The following ESR2 variants were observed in gnomAD, a reference collection of about 807,000 sequenced individuals.
The protein encoded by ESR2 is estrogen receptor beta.
ESR2 carries 36 observed loss-of-function variants against 49.6 expected under a neutral mutation model. The observed-to-expected ratio is 0.73, with a 90% CI of 0.56 to 0.96. The LOEUF (loss-of-function observed/expected upper bound fraction) is 0.96. Ranked by LOEUF, ESR2 falls within the 40% of genes least tolerant of loss-of-function variation. ESR2 has a pLI of 0.00. For synonymous variants in ESR2, 320 were observed against 266.1 expected, an observed-to-expected ratio of 1.20 and a Z score of -1.97; for missense variants, 714 against 693.0, an observed-to-expected ratio of 1.03 and a Z score of -0.34.
intron 1 of ESR2, among the ~76,000 whole-genome samples, chr14:64,318,264 C>T (rs1162047648): frequency 2.0e-5 from 3 of 151,970 alleles, no homozygotes; most frequent in Admixed American, 6.5e-5. Flanking sequence ...CGGCCGGGTG[C>T]GGTGGTTCAT....
At chr14:64,264,449 A>C (rs2076282654) in intron 4 of ESR2, among the ~76,000 whole-genome samples, 1 of 149,562 alleles carries the variant, frequency 6.7e-6, no homozygotes, top group Non-Finnish European at 1.5e-5. Context: ...AAAATGGAGC[A>C]AAATGTATGT....
intron 3 of ESR2, among the ~76,000 whole-genome samples, chr14:64,277,516 T>C (rs550801822): frequency 4.9e-4 from 74 of 151,110 alleles, no homozygotes; most frequent in African/African-American, 1.7e-3. Flanking sequence ...TCCCAGCTAC[T>C]TGGGAGTCTG....
intron 8 of ESR2, chr14:64,234,624 C>G (rs763325914): frequency 5.4e-6 from 2 of 368,978 alleles, no homozygotes; most frequent in Non-Finnish European, 9.7e-6. Flanking sequence ...CAAAAAGTGG[C>G]CTCAGGGCCT....
In ESR2 at chr14:64,235,112, T is replaced by C. The variant is rs773962693; in HGVS notation, c.1264A>G (p.Ser422Gly). The C allele has an allele frequency of 9.3e-6, 15 of 1,614,114 alleles. No homozygotes were observed. In the South Asian group the frequency reaches 1.4e-4, roughly 15 times the overall value. The change falls in exon 8 of 9, where the codon AGC (serine) becomes GGC (glycine). Residue 422 changes from serine to glycine, a missense_variant. Physicochemically the swap from Ser to Gly is moderately conservative, Grantham distance 56 (BLOSUM62 0). Coordinates refer to ENST00000341099, the MANE Select transcript of ESR2 (RefSeq NM_001437.3). Reference protein sequence around the residue: ...PLVTATQDADSSRKLAHLLNA... With the variant: ...PLVTATQDADGSRKLAHLLNA... ...AGCAAGTGAGCCAGCTTCCGGCTGCTGTCAGCATCCTGGGTCGCTGTGACC... is the reference window on the plus strand; with the variant it reads ...AGCAAGTGAGCCAGCTTCCGGCTGCCGTCAGCATCCTGGGTCGCTGTGACC...
intron 3 of ESR2, among the ~76,000 whole-genome samples, chr14:64,279,250 T>C (rs956808353): frequency 1.3e-5 from 2 of 152,190 alleles, no homozygotes; most frequent in African/African-American, 4.8e-5. Flanking sequence ...TAAGACCAAG[T>C]TGTGGCCTGA....
In ESR2 at chr14:64,229,251, C is replaced by G. The variant is rs1021421128; in HGVS notation, c.*3886G>C. 6.6e-6 allele frequency among the ~76,000 whole-genome samples: 1 copy of G among 152,134 alleles called. No individual in the cohort carries two copies. Among genetic ancestry groups the G allele is most frequent in the East Asian group, 1.9e-4 (1 of 5,194 alleles). On this transcript the variant is annotated 3_prime_UTR_variant, in exon 9 of 9. Coordinates refer to ENST00000341099, the MANE Select transcript of ESR2 (RefSeq NM_001437.3). ...GAAGACAACCCTAACTTCACCGCCC[C>G]TCCATTCTGCTGCGACTCAGCTCAC... is the stretch of plus-strand genomic sequence containing the variant.
At chr14:64,255,795 T>C (rs2076085374) in intron 6 of ESR2, among the ~76,000 whole-genome samples, 1 of 152,268 alleles carries the variant, frequency 6.6e-6, no homozygotes, top group African/African-American at 2.4e-5. Context: ...TCTTGTGCCC[T>C]GAACTTCTCT....
At chr14:64,314,264 AT>A (rs1567797788) in intron 1 of ESR2, among the ~76,000 whole-genome samples, 1 of 152,136 alleles carries the variant, frequency 6.6e-6, no homozygotes. Flanking sequence ...GTACTCCTAA[AT>A]AAAACATAGG....
rs139479509 is a variant in ESR2 at position 64,268,865 on chromosome 14, A to G, written c.582T>C (p.Asp194=). The change falls in exon 4 of 9, where the codon GAT becomes GAC. Residue 194 remains aspartate (D), a synonymous_variant. Coordinates refer to ENST00000341099, the MANE Select transcript of ESR2 (RefSeq NM_001437.3). ...ICPATNQCTI[D]KNRRKSCQAC... Reference sequence around the variant, plus strand: ...CCTGGCAGCTCTTGCGCCGGTTTTTATCGATTGTACACTGATTTGTAGCTG... The same window carrying G: ...CCTGGCAGCTCTTGCGCCGGTTTTTGTCGATTGTACACTGATTTGTAGCTG... The G allele has an allele frequency of 3.1e-6, 5 of 1,613,716 alleles. No individual in the cohort carries two copies. In the African/African-American group the frequency reaches 4.0e-5, roughly 13 times the overall value.
chr14:64,287,859 T>C (rs1159980635), intron 1 of ESR2, among the ~76,000 whole-genome samples: 3 of 152,170 alleles, frequency 2.0e-5, no homozygotes, highest in African/African-American at 4.8e-5. Context: ...AACACATCGA[T>C]TGAATGTTCA....
rs1337345661 is a variant in ESR2, at chr14:64,230,436, C to T, written c.*2701G>A. On this transcript the variant is annotated 3_prime_UTR_variant, in exon 9 of 9. Coordinates refer to ENST00000341099, the MANE Select transcript of ESR2 (RefSeq NM_001437.3). ...AAGTATTGGTAACTGATTTTTCTTCCTTACTGAAATCTAAGATAGTTGCCC... is the reference window on the plus strand; with the variant it reads ...AAGTATTGGTAACTGATTTTTCTTCTTTACTGAAATCTAAGATAGTTGCCC... Among the ~76,000 whole-genome samples, 1 of 151,938 alleles carries T rather than the reference C, an allele frequency of 6.6e-6. No individual in the cohort carries two copies. Among genetic ancestry groups the T allele is most frequent in the Non-Finnish European group, 1.5e-5 (1 of 67,980 alleles).
At chr14:64,323,773 C>T (rs2077354973) in intron 1 of ESR2, among the ~76,000 whole-genome samples, 1 of 152,202 alleles carries the variant, frequency 6.6e-6, no homozygotes, top group Admixed American at 6.6e-5. Context: ...CTCACTGCAA[C>T]CTCCACTTCC....
intron 2 of ESR2, among the ~76,000 whole-genome samples, 187 bp downstream of exon 2, chr14:64,282,437 T>C (rs769369170): frequency 5.3e-5 from 8 of 152,216 alleles, no homozygotes; most frequent in Non-Finnish European, 1.2e-4. Flanking sequence ...GATGTACACA[T>C]ACCAGTTTTT....
intron 3 of ESR2, among the ~76,000 whole-genome samples, chr14:64,276,371 T>C (rs946156025): frequency 6.6e-6 from 1 of 152,142 alleles, no homozygotes; most frequent in Non-Finnish European, 1.5e-5. Context: ...TGAGAAAACA[T>C]TTACCTCACT....
downstream of ESR2, chr14:64,227,536 C>G (rs1245657302): frequency 1.2e-6 from 2 of 1,614,074 alleles, no homozygotes. Flanking sequence ...TAGAGGGTCA[C>G]TGCTCCATCG....
chr14:64,235,871 C>G (rs780354436), intron 7 of ESR2, among the ~76,000 whole-genome samples: 4 of 152,184 alleles, frequency 2.6e-5, no homozygotes, highest in Admixed American at 1.3e-4. Flanking sequence ...CCCTCCAACT[C>G]TAGGATTGAG....
intron 1 of ESR2, among the ~76,000 whole-genome samples, chr14:64,325,456 G>A (rs2077377147): frequency 6.6e-6 from 1 of 152,138 alleles, no homozygotes; most frequent in African/African-American, 2.4e-5. Context: ...AGAATGGAGA[G>A]TTAGGCACAG....
At chr14:64,227,359 A>T, downstream of ESR2, 1 of 688,390 alleles carries the variant, frequency 1.5e-6, no homozygotes, top group South Asian at 2.0e-5. Context: ...CAGTTATCAA[A>T]TTGTTGGATT....
intron 1 of ESR2, among the ~76,000 whole-genome samples, chr14:64,293,699 A>G (rs1173748359): frequency 2.6e-5 from 4 of 152,218 alleles, no homozygotes; most frequent in Admixed American, 6.5e-5. Context: ...TCAAAGTTCA[A>G]TCAGAAAGTG....
Sources: allele counts gnomAD v4.1 joint callset (sites outside exome capture counted in the v4.1 genomes callset), GRCh38; gene constraint gnomAD v4.1.1; transcripts MANE v1.5; gene names NCBI Gene and HGNC (gene_info 2026-07-23, HGNC 2026-07-21).